Variants in PLPPR1 observed in about 807,000 individuals in gnomAD.
PLPPR1 encodes phospholipid phosphatase related 1, also known as phospholipid phosphatase-related protein type 1.
PLPPR1 carries 10 observed loss-of-function variants against 33.1 expected under a neutral mutation model. The ratio of observed to expected loss-of-function variants is 0.30; its 90% CI spans 0.19 to 0.51. PLPPR1 has a LOEUF of 0.51. PLPPR1 is among the 20% of genes least tolerant of loss of function. PLPPR1 has a pLI of 0.97. For synonymous variants in PLPPR1, 151 were observed against 151.0 expected, an observed-to-expected ratio of 1.00 and a Z score of 0.00; for missense variants, 304 against 408.1, an observed-to-expected ratio of 0.74 and a Z score of 2.20.
At chr9:101,222,621 A>G (rs1826968943) in intron 2 of PLPPR1, among the ~76,000 whole-genome samples, 1 of 152,212 alleles carries the variant, frequency 6.6e-6, no homozygotes. Context: ...AGAAGGAAGT[A>G]CATATCTGCC....
At chr9:101,301,233 A>G (rs908986705) in intron 4 of PLPPR1, among the ~76,000 whole-genome samples, 1 of 152,196 alleles carries the variant, frequency 6.6e-6, no homozygotes, top group Admixed American at 6.5e-5. Context: ...TTATTAATAC[A>G]AAGGATGAAT....
chr9:101,165,439 T>C (rs1825840776), intron 1 of PLPPR1, among the ~76,000 whole-genome samples: 1 of 152,158 alleles, frequency 6.6e-6, no homozygotes, highest in African/African-American at 2.4e-5. Context: ...TTGAAGGATA[T>C]GTAGGAGTTG....
At chr9:101,214,197 C>G (rs1826742160) in intron 2 of PLPPR1, among the ~76,000 whole-genome samples, 1 of 152,208 alleles carries the variant, frequency 6.6e-6, no homozygotes, top group African/African-American at 2.4e-5. Flanking sequence ...CAAGTCCATT[C>G]AAGAATCAAT....
At chr9:101,290,364 T>C (rs1828473196) in intron 4 of PLPPR1, among the ~76,000 whole-genome samples, 1 of 152,184 alleles carries the variant, frequency 6.6e-6, no homozygotes, top group Admixed American at 6.5e-5. Context: ...TTCCACAATC[T>C]ACTACAAATA....
intron 1 of PLPPR1, among the ~76,000 whole-genome samples, chr9:101,167,255 T>C (rs1024639836): frequency 1.4e-5 from 2 of 141,848 alleles, no homozygotes; most frequent in East Asian, 4.5e-4. Context: ...TGTCTCCCCT[T>C]CTGAAAAACA....
intron 1 of PLPPR1, among the ~76,000 whole-genome samples, chr9:101,144,683 G>A (rs1296521877): frequency 2.0e-5 from 3 of 152,160 alleles, no homozygotes; most frequent in Non-Finnish European, 2.9e-5. Flanking sequence ...GACATTTTGT[G>A]ATGGCAGCCC....
chr9:101,286,289 A>C (rs1431781627), intron 4 of PLPPR1, 53 bp downstream of exon 4: 2 of 1,512,534 alleles, frequency 1.3e-6, no homozygotes, highest in Non-Finnish European at 1.8e-6. Context: ...AAAATTACTA[A>C]AGGCAAACAC....
At chr9:101,155,897 C>T (rs1831678032) in intron 1 of PLPPR1, among the ~76,000 whole-genome samples, 2 of 152,076 alleles carry the variant, frequency 1.3e-5, no homozygotes, top group Non-Finnish European at 2.9e-5. Flanking sequence ...ACTGGCTGGG[C>T]CGGGGGATTA....
intron 1 of PLPPR1, among the ~76,000 whole-genome samples, chr9:101,155,539 C>T (rs530991136): frequency 6.6e-6 from 1 of 152,270 alleles, no homozygotes; most frequent in South Asian, 2.1e-4. Flanking sequence ...ACCTAATCAC[C>T]TCTTAAAGGC....
chr9:101,081,071 C>A (rs1055462760), intron 1 of PLPPR1, among the ~76,000 whole-genome samples: 2 of 152,078 alleles, frequency 1.3e-5, no homozygotes, highest in African/African-American at 4.8e-5. Flanking sequence ...CAGTTGTCAC[C>A]CATCCTTCCA....
chr9:101,199,082 A>T (rs1826448377), intron 2 of PLPPR1, among the ~76,000 whole-genome samples: 1 of 152,230 alleles, frequency 6.6e-6, no homozygotes, highest in South Asian at 2.1e-4. Context: ...TATACAATAG[A>T]TACCATATTC....
At position 101,118,242 on chromosome 9, in the gene PLPPR1, G is replaced by A. The variant is rs934761008; in HGVS notation, c.-45-67208G>A. Among the ~76,000 whole-genome samples the A allele has an allele frequency of 4.6e-5, 7 of 152,206 alleles. No homozygotes were observed. The South Asian group carries it at 1.0e-3, about 23-fold the overall frequency. On this transcript the variant is annotated intron_variant, in intron 1 of 7. Transcript: ENST00000374874. Reference sequence around the variant, plus strand: ...GCCACTTCACAGATGGGACATAGGTGTTGCCTGGTTGGGTTCTGAGTATCT... The same window carrying A: ...GCCACTTCACAGATGGGACATAGGTATTGCCTGGTTGGGTTCTGAGTATCT...
At chr9:101,271,976 A>G (rs531536626) in intron 3 of PLPPR1, among the ~76,000 whole-genome samples, 1 of 152,338 alleles carries the variant, frequency 6.6e-6, no homozygotes, top group South Asian at 2.1e-4. Flanking sequence ...AATAAATTAA[A>G]TGTACATCTG....
intron 1 of PLPPR1, among the ~76,000 whole-genome samples, chr9:101,111,988 A>G (rs890079071): frequency 6.6e-6 from 1 of 152,172 alleles, no homozygotes; most frequent in Admixed American, 6.5e-5. Flanking sequence ...CTTCCCAACC[A>G]CATAATGTGC....
intron 1 of PLPPR1, among the ~76,000 whole-genome samples, chr9:101,038,028 T>C (rs1329360020): frequency 6.6e-6 from 1 of 152,056 alleles, no homozygotes; most frequent in Non-Finnish European, 1.5e-5. Flanking sequence ...AGAAAGTAAA[T>C]ATCACTCATA....
At chr9:101,314,602 T>TAAA (rs200723396) in intron 6 of PLPPR1, among the ~76,000 whole-genome samples, 5 of 141,478 alleles carry the variant, frequency 3.5e-5, no homozygotes, top group African/African-American at 7.8e-5. Flanking sequence ...GCATTATGTC[T>TAAA]AAAAAAAAAA....
intron 1 of PLPPR1, among the ~76,000 whole-genome samples, chr9:101,071,886 G>A (rs1241365238): frequency 1.3e-5 from 2 of 152,096 alleles, no homozygotes; most frequent in African/African-American, 4.8e-5. Context: ...AATGGAAATC[G>A]TAGAAAGCCA....
intron 7 of PLPPR1, among the ~76,000 whole-genome samples, chr9:101,323,514 T>TAAC (rs1456395252): frequency 1.3e-5 from 2 of 151,356 alleles, no homozygotes; most frequent in African/African-American, 2.4e-5. Flanking sequence ...GTTATCCTAT[T>TAAC]TTGGATGAAA....
At chr9:101,219,750 G>A (rs10989439) in intron 2 of PLPPR1, among the ~76,000 whole-genome samples, 40 of 152,168 alleles carry the variant, frequency 2.6e-4, no homozygotes, top group Non-Finnish European at 1.3e-4. Context: ...GCTATCCTGC[G>A]ATCAGTTCTA....
Sources: allele counts gnomAD v4.1 joint callset (sites outside exome capture counted in the v4.1 genomes callset), GRCh38; gene constraint gnomAD v4.1.1; transcripts MANE v1.5; gene names NCBI Gene and HGNC (gene_info 2026-07-23, HGNC 2026-07-21).